The following ENOX1 variants were observed in gnomAD, a reference collection of about 807,000 sequenced individuals.
The protein encoded by ENOX1 is ecto-NOX disulfide-thiol exchanger 1, also known as candidate growth-related and time keeping constitutive hydroquinone (NADH) oxidase.
ENOX1 carries 42 observed loss-of-function variants against 82.5 expected under a neutral mutation model. That is an observed-to-expected ratio of 0.51 (90% CI 0.40 to 0.66). The LOEUF is 0.66. Ranked by LOEUF, ENOX1 falls within the 30% of genes least tolerant of loss-of-function variation. The probability of loss-of-function intolerance (pLI) is 0.00; values close to 1 mark genes in which losing one functional copy is unlikely to be tolerated. For missense variants in ENOX1, 608 were observed against 811.6 expected, an observed-to-expected ratio of 0.75 and a Z score of 3.05; for synonymous variants, 271 against 282.2, an observed-to-expected ratio of 0.96 and a Z score of 0.40.
chr13:43,377,876 G>A (rs891261532), intron 5 of ENOX1, among the ~76,000 whole-genome samples: 1 of 152,106 alleles, frequency 6.6e-6, no homozygotes, highest in African/African-American at 2.4e-5. Context: ...CAGAACACAG[G>A]ACAAGATGGA....
At chr13:43,684,370 T>C (rs2085957640) in intron 1 of ENOX1, among the ~76,000 whole-genome samples, 1 of 152,142 alleles carries the variant, frequency 6.6e-6, no homozygotes. Context: ...TCAGCTATAT[T>C]TGATGGGACA....
chr13:43,726,427 G>A (rs1370059896), intron 1 of ENOX1, among the ~76,000 whole-genome samples: 3 of 151,986 alleles, frequency 2.0e-5, no homozygotes, highest in Non-Finnish European at 4.4e-5. Context: ...ATGTTGACCA[G>A]GCTGGTCTCA....
chr13:43,415,503 C>T (rs897723854), intron 3 of ENOX1, among the ~76,000 whole-genome samples: 4 of 152,058 alleles, frequency 2.6e-5, no homozygotes, highest in Admixed American at 2.6e-4. Context: ...TCTTGCACCA[C>T]CCTTAATCCA....
chr13:43,264,463 A>G (rs2044254464), intron 14 of ENOX1, among the ~76,000 whole-genome samples: 2 of 152,362 alleles, frequency 1.3e-5, no homozygotes, highest in South Asian at 4.1e-4. Context: ...CTCAATAAAC[A>G]TCATATGTTA....
rs897923445 is a variant in ENOX1 at position 43,617,906 on chromosome 13, G to C, written c.-219+49573C>G. The stretch of plus-strand genomic sequence containing the variant: ...CATCTACTGGTTTGTTGTTGTTGTT[G>C]TTGTTGTTGTTATGGCCATTCTTGC... On this transcript the variant is annotated intron_variant, in intron 2 of 16. Transcript: ENST00000690772. Among the ~76,000 whole-genome samples, 7 of 152,116 alleles carry C rather than the reference G, an allele frequency of 4.6e-5. No individual in the cohort carries two copies. In the South Asian group the frequency reaches 1.5e-3, roughly 32 times the overall value.
intron 3 of ENOX1, among the ~76,000 whole-genome samples, chr13:43,468,661 A>G (rs2057853652): frequency 6.6e-6 from 1 of 151,988 alleles, no homozygotes; most frequent in Non-Finnish European, 1.5e-5. Flanking sequence ...AAAGCCAGAT[A>G]AGATTTTCAT....
intron 5 of ENOX1, among the ~76,000 whole-genome samples, chr13:43,364,948 A>G (rs1446891848): frequency 6.6e-6 from 1 of 152,168 alleles, no homozygotes. Context: ...CATGGTGTGC[A>G]TCTGGCAGTG....
At chr13:43,645,413 C>G (rs1325659573) in intron 2 of ENOX1, among the ~76,000 whole-genome samples, 2 of 152,146 alleles carry the variant, frequency 1.3e-5, no homozygotes, top group Non-Finnish European at 2.9e-5. Context: ...GCCACCAGAG[C>G]CTACCAAAGT....
intron 2 of ENOX1, among the ~76,000 whole-genome samples, chr13:43,537,491 A>G (rs975286733): frequency 1.3e-5 from 2 of 152,220 alleles, no homozygotes; most frequent in South Asian, 2.1e-4. Flanking sequence ...TGTAACTGTT[A>G]CTGTGATTTG....
At chr13:43,676,171 T>A (rs961657671) in intron 1 of ENOX1, among the ~76,000 whole-genome samples, 6 of 152,148 alleles carry the variant, frequency 3.9e-5, no homozygotes, top group African/African-American at 1.4e-4. Flanking sequence ...CTTCATCCAG[T>A]CTTTAGGTTT....
At chr13:43,357,937 C>T (rs920009310) in intron 7 of ENOX1, among the ~76,000 whole-genome samples, 9 of 152,110 alleles carry the variant, frequency 5.9e-5, no homozygotes, top group African/African-American at 1.2e-4. Flanking sequence ...CTGGGACTGA[C>T]GCTGCAGCCT....
intron 3 of ENOX1, among the ~76,000 whole-genome samples, chr13:43,458,739 G>A (rs9533490): frequency 0.46 from 69,404 of 151,388 alleles, 16,242 homozygotes; most frequent in Non-Finnish European, 0.5. Flanking sequence ...CCCTCCAAGT[G>A]TTCAGGACAA....
intron 2 of ENOX1, among the ~76,000 whole-genome samples, chr13:43,611,652 A>C (rs1439769633): frequency 6.6e-6 from 1 of 152,272 alleles, no homozygotes; most frequent in Non-Finnish European, 1.5e-5. Context: ...TAATTTCAAC[A>C]GAGCCAGTTC....
chr13:43,239,464 C>T (rs1593477215), intron 14 of ENOX1, among the ~76,000 whole-genome samples: 1 of 152,184 alleles, frequency 6.6e-6, no homozygotes, highest in African/African-American at 2.4e-5. Context: ...CCAAGGAATG[C>T]TTGCTTGCAT....
At chr13:43,238,860 A>G (rs1195472089) in intron 14 of ENOX1, among the ~76,000 whole-genome samples, 1 of 152,096 alleles carries the variant, frequency 6.6e-6, no homozygotes, top group African/African-American at 2.4e-5. Flanking sequence ...TGGGGCCATC[A>G]CACAGTTGAA....
intron 12 of ENOX1, among the ~76,000 whole-genome samples, chr13:43,280,851 G>C (rs2045334925): frequency 6.6e-6 from 1 of 152,128 alleles, no homozygotes; most frequent in Admixed American, 6.5e-5. Flanking sequence ...TAATCTTTAG[G>C]TGGCTCTGGA....
intron 5 of ENOX1, among the ~76,000 whole-genome samples, chr13:43,367,496 T>A (rs1197227091): frequency 6.6e-6 from 1 of 152,068 alleles, no homozygotes; most frequent in Non-Finnish European, 1.5e-5. Context: ...ATATGATGAC[T>A]GGAGAGATGC....
At chr13:43,350,407 T>C (rs570482617) in intron 8 of ENOX1, among the ~76,000 whole-genome samples, 1 of 152,174 alleles carries the variant, frequency 6.6e-6, no homozygotes, top group African/African-American at 2.4e-5. Flanking sequence ...AACTGATACA[T>C]AGATAATGAT....
In ENOX1 at chr13:43,470,358, ATATATACG is replaced by A. The variant is rs1186331385; in HGVS notation, c.-75+13643_-75+13650del. 2.3e-3 allele frequency among the ~76,000 whole-genome samples: 135 copies of A among 57,856 alleles called. 14 individuals are homozygous for A. The highest frequency in any genetic ancestry group is 8.8e-3 in the Middle Eastern group (1 of 114). The allele number at this position is 57,856 out of a possible 152,430, so 38.0% of individuals were successfully genotyped here. A position where few individuals can be genotyped will look rare whatever the true frequency, so the allele number is the denominator to read the frequency against. On this transcript the variant is annotated intron_variant, in intron 3 of 16. Coordinates refer to ENST00000690772, the MANE Select transcript of ENOX1 (RefSeq NM_001347969.2). ...TATATATACGTATATATATATGTATATATATACGTATATATATACATATATATACGTAT... is the reference window on the plus strand; with the variant it reads ...TATATATACGTATATATATATGTATATATATATATACATATATATACGTAT...
Sources: allele counts gnomAD v4.1 joint callset (sites outside exome capture counted in the v4.1 genomes callset), GRCh38; gene constraint gnomAD v4.1.1; transcripts MANE v1.5; gene names NCBI Gene and HGNC (gene_info 2026-07-23, HGNC 2026-07-21).